LTBP1: variants seen among roughly 807,000 people sequenced by gnomAD.
LTBP1 encodes latent-transforming growth factor beta-binding protein 1.
In LTBP1, 129 loss-of-function variants were observed where a neutral mutation model predicts 207.6. The observed-to-expected ratio is 0.62, with a 90% CI of 0.54 to 0.72. LTBP1 has a LOEUF of 0.72. Ranked by LOEUF, LTBP1 falls within the 30% of genes least tolerant of loss-of-function variation. LTBP1 has a pLI of 0.00. For missense variants in LTBP1, 2,281 were observed against 2,217.2 expected, an observed-to-expected ratio of 1.03 and a Z score of -0.58; for synonymous variants, 963 against 833.7, an observed-to-expected ratio of 1.16 and a Z score of -2.67.
At chr2:33,106,402 A>G (rs2080069020) in intron 3 of LTBP1, among the ~76,000 whole-genome samples, 1 of 152,250 alleles carries the variant, frequency 6.6e-6, no homozygotes, top group Non-Finnish European at 1.5e-5. Flanking sequence ...CATCAGAGGA[A>G]TCACTATCTA....
chr2:33,225,551 T>C (rs6734291), intron 9 of LTBP1, among the ~76,000 whole-genome samples: 13,930 of 152,146 alleles, frequency 0.092, 1,489 homozygotes, highest in African/African-American at 0.26. Context: ...CATCAGATCT[T>C]GTGAAACTTA....
chr2:33,324,234 A>G (rs75285693), intron 24 of LTBP1, among the ~76,000 whole-genome samples: 5,445 of 152,232 alleles, frequency 0.036, 309 homozygotes, highest in African/African-American at 0.12. Flanking sequence ...AGAGACTACA[A>G]TCACATAACT....
intron 2 of LTBP1, among the ~76,000 whole-genome samples, chr2:32,988,405 C>A (rs1221427913): frequency 8.5e-5 from 13 of 152,120 alleles, no homozygotes; most frequent in Non-Finnish European, 2.9e-5. Context: ...GTAGCCCATG[C>A]CATTTCTACC....
chr2:33,210,347 A>C (rs1325880182), intron 7 of LTBP1, among the ~76,000 whole-genome samples: 2 of 152,154 alleles, frequency 1.3e-5, no homozygotes, highest in Non-Finnish European at 2.9e-5. Flanking sequence ...GTTTATCTCC[A>C]GTATAGTTTC....
intron 25 of LTBP1, among the ~76,000 whole-genome samples, chr2:33,344,419 C>T (rs934762984): frequency 4.6e-5 from 7 of 152,138 alleles, no homozygotes; most frequent in Non-Finnish European, 1.0e-4. Context: ...TCCTTCTTCA[C>T]CTGTTGTTTC....
chr2:33,335,743 A>G (rs950215686), intron 24 of LTBP1, among the ~76,000 whole-genome samples: 7 of 152,124 alleles, frequency 4.6e-5, no homozygotes, highest in African/African-American at 1.7e-4. Context: ...TTTCACTCCC[A>G]CTTGTTGGCT....
chr2:33,185,856 A>G (rs2087137687), intron 5 of LTBP1, among the ~76,000 whole-genome samples: 1 of 152,206 alleles, frequency 6.6e-6, no homozygotes, highest in Non-Finnish European at 1.5e-5. Flanking sequence ...GGAGGAGACG[A>G]TTTAAAGAGG....
intron 4 of LTBP1, among the ~76,000 whole-genome samples, chr2:33,132,790 A>G (rs192049770): frequency 1.3e-5 from 2 of 152,310 alleles, no homozygotes; most frequent in East Asian, 3.9e-4. Context: ...TCTTCTTCTA[A>G]GTGAGATGAC....
chr2:33,274,600 C>T (rs2093388262), intron 16 of LTBP1, among the ~76,000 whole-genome samples: 1 of 152,218 alleles, frequency 6.6e-6, no homozygotes, highest in Non-Finnish European at 1.5e-5. Context: ...ACTCCATCCA[C>T]ATGCACGGAG....
Position 33,175,617 on chromosome 2 carries a change from G to T in LTBP1, c.1202-11239G>T, listed in dbSNP as rs1020543828. Among the ~76,000 whole-genome samples the T allele has an allele frequency of 3.9e-5, 6 of 152,278 alleles. No homozygotes were observed. The East Asian group carries it at 5.8e-4, about 15-fold the overall frequency. On this transcript the variant is annotated intron_variant, in intron 5 of 33. Transcript: ENST00000404816. ...GTGACACTTCCTCAGGGATCTAGAA[G>T]TAGAAATACCATTGGACCGAGCCAT...
At chr2:33,283,989 A>G (rs1037043586) in intron 19 of LTBP1, among the ~76,000 whole-genome samples, 1 of 152,152 alleles carries the variant, frequency 6.6e-6, no homozygotes, top group Non-Finnish European at 1.5e-5. Flanking sequence ...AAACTGGTCT[A>G]TCTTCACGTT....
At chr2:33,191,648 T>G (rs2087892989) in intron 7 of LTBP1, among the ~76,000 whole-genome samples, 1 of 152,214 alleles carries the variant, frequency 6.6e-6, no homozygotes. Flanking sequence ...CATTTGTGCT[T>G]TCTTGCTGTG....
intron 2 of LTBP1, among the ~76,000 whole-genome samples, chr2:32,987,165 C>T (rs1683725111): frequency 1.3e-5 from 2 of 152,132 alleles, no homozygotes; most frequent in Admixed American, 1.3e-4. Flanking sequence ...CCCCACATCA[C>T]CCATCTTGTG....
chr2:33,327,091 G>T (rs185899806), intron 24 of LTBP1, among the ~76,000 whole-genome samples: 2 of 152,298 alleles, frequency 1.3e-5, no homozygotes, highest in African/African-American at 4.8e-5. Flanking sequence ...GACATGTGGA[G>T]TGGGGAAAGG....
At chr2:33,391,182 C>T (rs899164125) in intron 32 of LTBP1, among the ~76,000 whole-genome samples, 12 of 152,000 alleles carry the variant, frequency 7.9e-5, no homozygotes, top group Non-Finnish European at 1.8e-4. Context: ...GCTTAACACA[C>T]GCCTGTGTAA....
intron 31 of LTBP1, among the ~76,000 whole-genome samples, chr2:33,384,823 C>G (rs545740142): frequency 6.6e-6 from 1 of 152,246 alleles, no homozygotes; most frequent in Admixed American, 6.5e-5. Context: ...TCGAGATAAC[C>G]AAGGCCAAGC....
chr2:33,071,360 A>C (rs552856866), intron 3 of LTBP1, among the ~76,000 whole-genome samples: 1 of 152,224 alleles, frequency 6.6e-6, no homozygotes, highest in Admixed American at 6.5e-5. Context: ...ACGCAATCTC[A>C]GAAGTGATGT....
At chr2:33,318,582 A>G (rs547328022) in intron 24 of LTBP1, among the ~76,000 whole-genome samples, 3 of 152,294 alleles carry the variant, frequency 2.0e-5, no homozygotes, top group African/African-American at 2.4e-5. Flanking sequence ...AATACACAGG[A>G]TATTTTTTTC....
chr2:32,973,250 T>C (rs1053630548), intron 2 of LTBP1, among the ~76,000 whole-genome samples: 7 of 151,490 alleles, frequency 4.6e-5, no homozygotes, highest in Non-Finnish European at 8.8e-5. Context: ...TTGAAGTTTC[T>C]TGCTATTATT....
Sources: gnomAD v4.1 joint callset for allele counts (sites outside exome capture counted in the v4.1 genomes callset) on GRCh38, gnomAD v4.1.1 for gene constraint, MANE v1.5 for transcripts, NCBI Gene and HGNC (gene_info 2026-07-23, HGNC 2026-07-21) for gene names.